The following TRHDE variants were observed in gnomAD, a reference collection of about 807,000 sequenced individuals.
The protein encoded by TRHDE is thyrotropin-releasing hormone-degrading ectoenzyme.
A neutral mutation model predicts 125.7 loss-of-function variants in TRHDE; 72 were observed. That is an observed-to-expected ratio of 0.57 (90% CI 0.47 to 0.70). The LOEUF is 0.70. Ranked by LOEUF, TRHDE falls within the 30% of genes least tolerant of loss-of-function variation. TRHDE has a pLI of 0.00. For synonymous variants in TRHDE, 509 were observed against 509.1 expected, an observed-to-expected ratio of 1.00 and a Z score of 0.00; for missense variants, 1,110 against 1,327.1, an observed-to-expected ratio of 0.84 and a Z score of 2.54.
chr12:72,210,909 C>T (rs1032492106), intron 2 of TRHDE, among the ~76,000 whole-genome samples: 1 of 152,148 alleles, frequency 6.6e-6, no homozygotes, highest in Non-Finnish European at 1.5e-5. Flanking sequence ...TAAATCTCAA[C>T]ATAACATTCA....
At position 72,666,145 on chromosome 12, in the gene TRHDE, T is replaced by C. The variant is rs919875667; in HGVS notation, c.*2950T>C. The C allele has an allele frequency of 9.2e-5, 14 of 152,146 alleles. No homozygotes were observed. The highest frequency in any genetic ancestry group is 5.2e-4 in the Admixed American group (8 of 15,248). 9.4% of individuals were successfully genotyped at this position (152,146 alleles called of 1,614,324 possible). ...AAAATGCATTGCTTTCTCAAAGAAC[T>C]GTTACACATTTTGTTTTATTTGACT... On this transcript the variant is annotated 3_prime_UTR_variant, in exon 19 of 19. Coordinates refer to ENST00000261180, the MANE Select transcript of TRHDE (RefSeq NM_013381.3).
At chr12:72,578,229 G>C (rs1055470195) in intron 12 of TRHDE, among the ~76,000 whole-genome samples, 1 of 152,084 alleles carries the variant, frequency 6.6e-6, no homozygotes, top group African/African-American at 2.4e-5. Flanking sequence ...CAGTGGAGTG[G>C]GTGTGGTTAC....
At chr12:72,247,155 T>G (rs969351873) in intron 2 of TRHDE, among the ~76,000 whole-genome samples, 48 of 152,184 alleles carry the variant, frequency 3.2e-4, no homozygotes, top group Non-Finnish European at 5.7e-4. Context: ...TCATGTATAT[T>G]AAAGCACATC....
At position 72,562,847 on chromosome 12, in the gene TRHDE, G is replaced by A; in HGVS notation, c.1855-6G>A. On this transcript the variant is annotated splice_polypyrimidine_tract_variant and splice_region_variant and intron_variant, in intron 8 of 18. Coordinates refer to ENST00000261180, the MANE Select transcript of TRHDE (RefSeq NM_013381.3). The stretch of plus-strand genomic sequence containing the variant: ...AAAACTAATTTGTACATTTTTCCTT[G>A]TGAAGGCTTTAAAAAGAAATGGGAA... The A allele has an allele frequency of 2.6e-6, 4 of 1,535,234 alleles. No individual in the cohort carries two copies. Among genetic ancestry groups the A allele is most frequent in the South Asian group, 1.3e-5 (1 of 78,048 alleles).
intron 6 of TRHDE, among the ~76,000 whole-genome samples, chr12:72,518,467 C>T (rs554044540): frequency 1.3e-5 from 2 of 151,952 alleles, no homozygotes; most frequent in Non-Finnish European, 2.9e-5. Flanking sequence ...AGGATTGCAA[C>T]CCCTGCCTTT....
At chr12:72,590,078 ATCAT>A (rs1418665007) in intron 12 of TRHDE, among the ~76,000 whole-genome samples, 4 of 152,044 alleles carry the variant, frequency 2.6e-5, no homozygotes, top group Non-Finnish European at 5.9e-5. Context: ...TATATATGGT[ATCAT>A]TCAGTTTAAA....
chr12:72,469,678 T>A, intron 3 of TRHDE, 80 bp from the exon 4 acceptor site: 1 of 1,466,554 alleles, frequency 6.8e-7, no homozygotes, highest in East Asian at 2.3e-5. Flanking sequence ...TAATTAGGAT[T>A]TCTGGACACT....
At chr12:72,133,573 T>C (rs1041505966) in intron 2 of TRHDE, among the ~76,000 whole-genome samples, 1 of 152,174 alleles carries the variant, frequency 6.6e-6, no homozygotes, top group African/African-American at 2.4e-5. Flanking sequence ...CATCTGTTGG[T>C]TGAATTTCAA....
chr12:72,125,986 TAAAAC>T (rs1034554456), intron 2 of TRHDE, among the ~76,000 whole-genome samples: 112 of 151,998 alleles, frequency 7.4e-4, no homozygotes, highest in Admixed American at 3.7e-3. Context: ...GCCACAAAAA[TAAAAC>T]AAAACAAAAC....
intron 6 of TRHDE, among the ~76,000 whole-genome samples, chr12:72,528,141 T>C (rs1238442328): frequency 1.3e-5 from 2 of 152,204 alleles, no homozygotes; most frequent in Non-Finnish European, 2.9e-5. Flanking sequence ...AAGTATTTTG[T>C]ATTCAAAATG....
At chr12:72,301,211 T>C (rs1193310856) in intron 2 of TRHDE, among the ~76,000 whole-genome samples, 1 of 152,134 alleles carries the variant, frequency 6.6e-6, no homozygotes, top group Admixed American at 6.6e-5. Context: ...TCTTCACACA[T>C]GCCTAGAATT....
At chr12:72,535,593 T>C (rs1252605165) in intron 6 of TRHDE, among the ~76,000 whole-genome samples, 1 of 152,156 alleles carries the variant, frequency 6.6e-6, no homozygotes, top group Non-Finnish European at 1.5e-5. Context: ...TCTGCCTTTC[T>C]TTTTTGTAAT....
chr12:72,337,175 GTCCGGTTGCTCCAGCT>G (rs1299639443), intron 2 of TRHDE, among the ~76,000 whole-genome samples: 2 of 152,174 alleles, frequency 1.3e-5, no homozygotes, highest in African/African-American at 4.8e-5. Context: ...TTTTAGAAAG[GTCCGGTTGCTCCAGCT>G]TCCTGAAGTG....
At chr12:72,149,909 A>G (rs1333007269) in intron 2 of TRHDE, among the ~76,000 whole-genome samples, 1 of 152,196 alleles carries the variant, frequency 6.6e-6, no homozygotes, top group Non-Finnish European at 1.5e-5. Flanking sequence ...TGGATACTCC[A>G]TAAGTACTTT....
intron 2 of TRHDE, among the ~76,000 whole-genome samples, chr12:72,370,102 A>G (rs1871509668): frequency 6.6e-6 from 1 of 152,134 alleles, no homozygotes; most frequent in Admixed American, 6.5e-5. Flanking sequence ...CCACTTGTTC[A>G]ACTGGGTCTC....
intron 2 of TRHDE, among the ~76,000 whole-genome samples, chr12:72,191,880 C>G (rs765093112): frequency 6.6e-6 from 1 of 152,000 alleles, no homozygotes; most frequent in Non-Finnish European, 1.5e-5. Context: ...AAATACTTTC[C>G]GAAAACAGAA....
At chr12:72,222,632 A>G (rs1381908437) in intron 2 of TRHDE, among the ~76,000 whole-genome samples, 1 of 152,142 alleles carries the variant, frequency 6.6e-6, no homozygotes, top group African/African-American at 2.4e-5. Context: ...TCCATTCTAC[A>G]TTATAGCACT....
chr12:72,642,197 T>C (rs1874094835), intron 15 of TRHDE, among the ~76,000 whole-genome samples: 1 of 152,216 alleles, frequency 6.6e-6, no homozygotes. Flanking sequence ...TTGTCATAGC[T>C]GTTCAGACTA....
chr12:72,525,116 A>G (rs1187961507), intron 6 of TRHDE, among the ~76,000 whole-genome samples: 2 of 152,164 alleles, frequency 1.3e-5, no homozygotes, highest in Non-Finnish European at 2.9e-5. Flanking sequence ...GGAGTTTCTG[A>G]ATTAGATGAA....
Sources: gnomAD v4.1 joint callset for allele counts (sites outside exome capture counted in the v4.1 genomes callset) on GRCh38, gnomAD v4.1.1 for gene constraint, MANE v1.5 for transcripts, NCBI Gene and HGNC (gene_info 2026-07-23, HGNC 2026-07-21) for gene names.